CNTNAP5: variants seen among roughly 807,000 people sequenced by gnomAD.
CNTNAP5 encodes contactin associated protein family member 5.
Under a neutral mutation model 150.2 loss-of-function variants are expected in CNTNAP5, and 72 were observed. The ratio of observed to expected loss-of-function variants is 0.48; its 90% CI spans 0.40 to 0.58. CNTNAP5 has a LOEUF of 0.58. Among genes scored for constraint, CNTNAP5 ranks in the 20% least tolerant of loss-of-function variants. CNTNAP5 has a pLI of 0.00. For synonymous variants in CNTNAP5, 672 were observed against 619.8 expected, an observed-to-expected ratio of 1.08 and a Z score of -1.25; for missense variants, 1,636 against 1,626.2, an observed-to-expected ratio of 1.01 and a Z score of -0.10.
intron 13 of CNTNAP5, among the ~76,000 whole-genome samples, chr2:124,688,985 G>T (rs761435161): frequency 2.0e-5 from 3 of 152,054 alleles, no homozygotes; most frequent in Non-Finnish European, 4.4e-5. Flanking sequence ...ATTATACAAG[G>T]ATAATGTTCA....
At position 124,783,647 on chromosome 2, in the gene CNTNAP5, CTT is replaced by C. The variant is rs373392360; in HGVS notation, c.2753-6252_2753-6251del. On this transcript the variant is annotated intron_variant, in intron 17 of 23. Coordinates refer to ENST00000682447, the MANE Select transcript of CNTNAP5 (RefSeq NM_001367498.1). ...ACCAAATTCAAGTTATCACTAAACT[CTT>C]TTCCAGTTTCCTGAGGGGGTTTGGC... is the stretch of plus-strand genomic sequence containing the variant. Among the ~76,000 whole-genome samples the C allele has an allele frequency of 1.2e-3, 183 of 152,224 alleles. 1 individual carries two copies. Among genetic ancestry groups the C allele is most frequent in the African/African-American group, 3.7e-3 (154 of 41,544 alleles).
rs1409805183 is a variant in CNTNAP5 at position 124,918,192 on chromosome 2, C to T, written c.*3904C>T. On this transcript the variant is annotated 3_prime_UTR_variant, in exon 24 of 24. Coordinates refer to ENST00000682447, the MANE Select transcript of CNTNAP5 (RefSeq NM_001367498.1). ...AGTGTCCACTTTGGCCCCTCTCCTT[C>T]CCTTTTCTCAGTTCTTCCACAGCCA... is the stretch of plus-strand genomic sequence containing the variant. Among the ~76,000 whole-genome samples, 1 of 151,990 alleles carries T rather than the reference C, an allele frequency of 6.6e-6. No homozygotes were observed. The highest frequency in any genetic ancestry group is 2.4e-5 in the African/African-American group (1 of 41,418).
At chr2:124,653,361 C>A (rs913236801) in intron 13 of CNTNAP5, among the ~76,000 whole-genome samples, 2 of 151,340 alleles carry the variant, frequency 1.3e-5, no homozygotes, top group African/African-American at 4.9e-5. Context: ...CTATATAATA[C>A]ATAGTATATA....
intron 13 of CNTNAP5, among the ~76,000 whole-genome samples, chr2:124,717,926 C>A (rs530979687): frequency 1.3e-5 from 2 of 152,152 alleles, no homozygotes; most frequent in African/African-American, 4.8e-5. Flanking sequence ...AACTAGATAC[C>A]TATTATGGGC....
At chr2:124,676,607 T>TA (rs769800537) in intron 13 of CNTNAP5, among the ~76,000 whole-genome samples, 17 of 152,178 alleles carry the variant, frequency 1.1e-4, no homozygotes, top group Non-Finnish European at 2.2e-4. Context: ...GGTCAAATAG[T>TA]AAACATTCTC....
At chr2:124,729,844 A>T (rs757322116) in intron 13 of CNTNAP5, among the ~76,000 whole-genome samples, 1 of 152,014 alleles carries the variant, frequency 6.6e-6, no homozygotes, top group Non-Finnish European at 1.5e-5. Context: ...GTTCACATTC[A>T]TTTTTTTATA....
rs112415869 is a variant in CNTNAP5 at position 124,309,574 on chromosome 2, A to G, written c.381+67181A>G. Among the ~76,000 whole-genome samples, 597 of 152,310 alleles carry G rather than the reference A, an allele frequency of 3.9e-3. 5 individuals are homozygous for G. Among genetic ancestry groups the G allele is most frequent in the African/African-American group, 0.014 (577 of 41,570 alleles). ...TAATTTCCCAACTTAATAAATATGG[A>G]GGGAATACAAACAGCAATGGGGTCC... On this transcript the variant is annotated intron_variant, in intron 3 of 23. Transcript: ENST00000682447.
intron 12 of CNTNAP5, among the ~76,000 whole-genome samples, chr2:124,643,008 T>G (rs937219666): frequency 3.9e-5 from 6 of 152,212 alleles, no homozygotes; most frequent in Admixed American, 1.3e-4. Context: ...GAAGGCATGA[T>G]AGCTGCTCTG....
chr2:124,069,231 GT>G (rs893426531), intron 1 of CNTNAP5, among the ~76,000 whole-genome samples: 1 of 152,176 alleles, frequency 6.6e-6, no homozygotes, highest in African/African-American at 2.4e-5. Flanking sequence ...AGTGGTTATG[GT>G]GGCCACGATG....
At chr2:124,431,081 T>C (rs7605769) in intron 4 of CNTNAP5, among the ~76,000 whole-genome samples, 92,070 of 151,922 alleles carry the variant, frequency 0.61, 29,369 homozygotes, top group African/African-American at 0.82. Flanking sequence ...TAGTAAGGAG[T>C]AAAACCAGAA....
chr2:124,636,853 C>G (rs965437262), intron 12 of CNTNAP5, among the ~76,000 whole-genome samples: 1 of 149,526 alleles, frequency 6.7e-6, no homozygotes, highest in Admixed American at 6.7e-5. Flanking sequence ...ATACCCTTCA[C>G]GTTTACGATT....
chr2:124,524,220 G>A, intron 8 of CNTNAP5, 83 bp from the exon 9 acceptor site: 2 of 1,426,064 alleles, frequency 1.4e-6, no homozygotes, highest in South Asian at 1.2e-5. Flanking sequence ...GGCATGGACG[G>A]CAGCAGGCTG....
intron 11 of CNTNAP5, among the ~76,000 whole-genome samples, chr2:124,605,532 C>T (rs13383244): frequency 6.6e-6 from 1 of 151,844 alleles, no homozygotes; most frequent in Admixed American, 6.6e-5. Context: ...AACTATTATT[C>T]TAGGCTGAGT....
chr2:124,379,744 C>T (rs900426565), intron 3 of CNTNAP5, among the ~76,000 whole-genome samples: 1 of 152,062 alleles, frequency 6.6e-6, no homozygotes, highest in Admixed American at 6.6e-5. Context: ...TTGTAACCAG[C>T]CCTGGGATTT....
chr2:124,060,472 C>T (rs187905627), intron 1 of CNTNAP5, among the ~76,000 whole-genome samples: 37 of 152,326 alleles, frequency 2.4e-4, no homozygotes, highest in Middle Eastern at 3.4e-3. Context: ...AGCAGCATTA[C>T]GGAAAAGTCC....
chr2:124,667,934 C>A (rs1678734568), intron 13 of CNTNAP5, among the ~76,000 whole-genome samples: 1 of 152,132 alleles, frequency 6.6e-6, no homozygotes, highest in East Asian at 1.9e-4. Flanking sequence ...GAGAAACGAC[C>A]CAGAGGATGA....
chr2:124,840,195 A>G (rs954705990), intron 19 of CNTNAP5, among the ~76,000 whole-genome samples: 1 of 152,092 alleles, frequency 6.6e-6, no homozygotes, highest in East Asian at 1.9e-4. Context: ...TAGGGCAGGT[A>G]TTGGACTTTA....
chr2:124,136,088 T>C (rs1249570250), intron 1 of CNTNAP5, among the ~76,000 whole-genome samples: 1 of 152,216 alleles, frequency 6.6e-6, no homozygotes, highest in Non-Finnish European at 1.5e-5. Flanking sequence ...GGCTGTGATG[T>C]CCAATTTCCA....
intron 11 of CNTNAP5, among the ~76,000 whole-genome samples, chr2:124,593,118 T>G (rs935738573): frequency 1.7e-5 from 2 of 118,008 alleles, no homozygotes; most frequent in Non-Finnish European, 3.6e-5. Context: ...TTTATTTATT[T>G]ATTTATTTAT....
Sources: gnomAD v4.1 joint callset for allele counts (sites outside exome capture counted in the v4.1 genomes callset) on GRCh38, gnomAD v4.1.1 for gene constraint, MANE v1.5 for transcripts, NCBI Gene and HGNC (gene_info 2026-07-23, HGNC 2026-07-21) for gene names.